The following LRTM3 variants were observed in gnomAD, a reference collection of about 807,000 sequenced individuals.
The protein encoded by LRTM3 is leucine rich repeat transmembrane protein 3, also known as leucine-rich repeat transmembrane protein 3.
the LRTM3 span, chr13:102,747,909 G>C: frequency 4.8e-5 from 74 of 1,551,132 alleles, no homozygotes; most frequent in Non-Finnish European, 6.1e-5. Flanking sequence ...TTTTGCTTTA[G>C]ATGTATGCTG....
At chr13:102,742,669 T>A in the LRTM3 span, 3 of 1,550,722 alleles carry the variant, frequency 1.9e-6, no homozygotes, top group Middle Eastern at 1.7e-4. Flanking sequence ...CAGTATCAGG[T>A]GATTGTGAAA....
chr13:102,730,558 A>G, the LRTM3 span: 1 of 1,551,870 alleles, frequency 6.4e-7, no homozygotes, highest in Non-Finnish European at 8.7e-7. Flanking sequence ...GAACTTGAGT[A>G]TCTTTCTTCC....
At chr13:102,742,245 C>G in the LRTM3 span, 1 of 1,550,440 alleles carries the variant, frequency 6.4e-7, no homozygotes, top group Admixed American at 2.0e-5. Flanking sequence ...GTACCATACT[C>G]AAGCAGCTGG....
the LRTM3 span, chr13:102,736,282 G>T: frequency 6.4e-7 from 1 of 1,551,026 alleles, no homozygotes; most frequent in South Asian, 1.2e-5. Flanking sequence ...TCTCTTTCAT[G>T]CCCCACTGTG....
At chr13:102,743,804 G>A in the LRTM3 span, 648 of 1,550,186 alleles carry the variant, frequency 4.2e-4, no homozygotes, top group Non-Finnish European at 5.3e-4. Flanking sequence ...TTCCTTCATA[G>A]TTAAACATTT....
chr13:102,746,574 A>C, the LRTM3 span: 11 of 1,550,998 alleles, frequency 7.1e-6, 1 homozygote, highest in Non-Finnish European at 9.6e-6. Flanking sequence ...TCTGAGATTG[A>C]TGGCTTCACA....
At chr13:102,737,493 C>G in the LRTM3 span, 1 of 1,550,444 alleles carries the variant, frequency 6.4e-7, no homozygotes, top group Non-Finnish European at 8.7e-7. Context: ...TCTTCAGTTT[C>G]TCCATCCCTG....
At chr13:102,744,916 C>T in the LRTM3 span, 1 of 1,550,678 alleles carries the variant, frequency 6.4e-7, no homozygotes. Context: ...GCTGTTCCCC[C>T]ATACATTTCC....
At chr13:102,741,090 GT>G in the LRTM3 span, 6 of 1,550,006 alleles carry the variant, frequency 3.9e-6, no homozygotes, top group East Asian at 1.5e-4. Flanking sequence ...TCAATATAAA[GT>G]TGATGCAATA....
At chr13:102,733,955 G>T in the LRTM3 span, 1 of 1,551,206 alleles carries the variant, frequency 6.4e-7, no homozygotes, top group African/African-American at 1.4e-5. Context: ...CTGTGGACAA[G>T]ATGATCCTGT....
At chr13:102,734,519 G>T in the LRTM3 span, 1 of 1,551,302 alleles carries the variant, frequency 6.4e-7, no homozygotes, top group South Asian at 1.2e-5. Context: ...GAGCATACAG[G>T]AACGAGGTGA....
At chr13:102,743,626 A>G in the LRTM3 span, 3 of 1,550,436 alleles carry the variant, frequency 1.9e-6, no homozygotes, top group Middle Eastern at 1.7e-4. Flanking sequence ...GACCCAGGAA[A>G]GTTGCAGGTG....
At chr13:102,731,679 A>C in the LRTM3 span, 2 of 1,551,342 alleles carry the variant, frequency 1.3e-6, no homozygotes, top group Non-Finnish European at 1.7e-6. Flanking sequence ...ATGGGAAGTA[A>C]ATGTTCTGCA....
the LRTM3 span, chr13:102,747,727 A>G: frequency 6.4e-7 from 1 of 1,551,142 alleles, no homozygotes; most frequent in South Asian, 1.2e-5. Flanking sequence ...CTGTAGGTCT[A>G]TCTGTGCTTT....
At chr13:102,758,734 G>T in the LRTM3 span, 1 of 1,550,160 alleles carries the variant, frequency 6.5e-7, no homozygotes, top group Non-Finnish European at 8.7e-7. Flanking sequence ...TTTTCAGGAA[G>T]TGTGGGCTTC....
At chr13:102,738,109 C>A in the LRTM3 span, 40 of 1,550,924 alleles carry the variant, frequency 2.6e-5, no homozygotes, top group Non-Finnish European at 3.3e-5. Context: ...CTTCTTGATC[C>A]ATTTTCCCTG....
chr13:102,733,231 G>C, the LRTM3 span: 2 of 1,551,304 alleles, frequency 1.3e-6, no homozygotes, highest in African/African-American at 2.7e-5. Context: ...CTATATTTTG[G>C]GGGGCATTCC....
chr13:102,741,644 T>C, the LRTM3 span: 960 of 1,550,334 alleles, frequency 6.2e-4, 1 homozygote, highest in Non-Finnish European at 7.8e-4. Context: ...CAATTCTTGC[T>C]CCTGGCAAGT....
At chr13:102,756,957 C>T in the LRTM3 span, among the ~76,000 whole-genome samples, 1 of 152,106 alleles carries the variant, frequency 6.6e-6, no homozygotes, top group African/African-American at 2.4e-5. Context: ...TTAAAGTGTC[C>T]TTGATTCTGA....
Sources: allele counts gnomAD v4.1 joint callset (sites outside exome capture counted in the v4.1 genomes callset), GRCh38; gene constraint gnomAD v4.1.1; transcripts MANE v1.5; gene names NCBI Gene and HGNC (gene_info 2026-07-23, HGNC 2026-07-21).